The following LHFPL3 variants were observed in gnomAD, a reference collection of about 807,000 sequenced individuals.
LHFPL3 encodes LHFPL tetraspan subfamily member 3 protein.
LHFPL3 carries 5 observed loss-of-function variants against 19.3 expected under a neutral mutation model. That is an observed-to-expected ratio of 0.26 (90% CI 0.14 to 0.54). The LOEUF (loss-of-function observed/expected upper bound fraction) is 0.54. Among genes scored for constraint, LHFPL3 ranks in the 20% least tolerant of loss-of-function variants. The pLI is 0.94. For synonymous variants in LHFPL3, 133 were observed against 126.2 expected, an observed-to-expected ratio of 1.05 and a Z score of -0.36; for missense variants, 249 against 307.4, an observed-to-expected ratio of 0.81 and a Z score of 1.42.
intron 2 of LHFPL3, among the ~76,000 whole-genome samples, chr7:104,757,419 C>A (rs1794305281): frequency 6.6e-6 from 1 of 152,118 alleles, no homozygotes; most frequent in African/African-American, 2.4e-5. Context: ...AATAAACAGA[C>A]AACCTACAGA....
At chr7:104,876,970 T>A (rs1205996310) in intron 2 of LHFPL3, among the ~76,000 whole-genome samples, 1 of 152,168 alleles carries the variant, frequency 6.6e-6, no homozygotes, top group African/African-American at 2.4e-5. Context: ...GTTCATGTCC[T>A]TTGTAGGGGC....
chr7:104,592,548 G>C (rs1790748249), intron 1 of LHFPL3, among the ~76,000 whole-genome samples: 1 of 152,138 alleles, frequency 6.6e-6, no homozygotes, highest in Non-Finnish European at 1.5e-5. Flanking sequence ...AGGCCACTGG[G>C]GGATCAGGGA....
At chr7:104,850,839 T>C (rs1164768406) in intron 2 of LHFPL3, among the ~76,000 whole-genome samples, 1 of 146,818 alleles carries the variant, frequency 6.8e-6, no homozygotes, top group Non-Finnish European at 1.5e-5. Flanking sequence ...GATTCTCAAA[T>C]GACTATAGAT....
intron 1 of LHFPL3, among the ~76,000 whole-genome samples, chr7:104,628,822 T>A (rs1420951067): frequency 6.6e-6 from 1 of 152,170 alleles, no homozygotes; most frequent in Non-Finnish European, 1.5e-5. Flanking sequence ...GATTCTCCTC[T>A]CATTGAGTGC....
At chr7:104,434,627 A>G (rs889471084) in intron 1 of LHFPL3, among the ~76,000 whole-genome samples, 1 of 152,230 alleles carries the variant, frequency 6.6e-6, no homozygotes, top group African/African-American at 2.4e-5. Flanking sequence ...ATAATTTTTT[A>G]TTGAACTTGT....
chr7:104,376,997 T>C (rs1008941954), intron 1 of LHFPL3, among the ~76,000 whole-genome samples: 3 of 152,234 alleles, frequency 2.0e-5, no homozygotes, highest in African/African-American at 7.2e-5. Flanking sequence ...TTGGAAATTT[T>C]GCTAAGTAAG....
intron 2 of LHFPL3, among the ~76,000 whole-genome samples, chr7:104,816,963 C>T (rs1790568167): frequency 6.6e-6 from 1 of 152,202 alleles, no homozygotes; most frequent in African/African-American, 2.4e-5. Flanking sequence ...ACCTTAACTT[C>T]TGAACTGCTA....
chr7:104,906,762 CT>C lies in LHFPL3; in HGVS notation c.*548del, dbSNP rs1180913780. 5.9e-5 allele frequency: 9 copies of C among 152,978 alleles called. No individual in the cohort carries two copies. Among genetic ancestry groups the C allele is most frequent in the African/African-American group, 7.2e-5 (3 of 41,440 alleles). 9.5% of individuals were successfully genotyped at this position (152,978 alleles called of 1,614,324 possible). A position where few individuals can be genotyped will look rare whatever the true frequency, so the allele number is the denominator to read the frequency against. The stretch of plus-strand genomic sequence containing the variant: ...AGCCGTGACCTTTGGTTCTTCATCT[CT>C]ACCATTCATTTACTTCACTGTGTAA... On this transcript the variant is annotated 3_prime_UTR_variant, in exon 3 of 3. Coordinates refer to ENST00000424859, the MANE Select transcript of LHFPL3 (RefSeq NM_199000.3).
chr7:104,558,375 C>A (rs919162546), intron 1 of LHFPL3, among the ~76,000 whole-genome samples: 5 of 148,522 alleles, frequency 3.4e-5, no homozygotes, highest in African/African-American at 5.0e-5. Flanking sequence ...GCCATTCTAA[C>A]TGGTGTGAGA....
intron 1 of LHFPL3, among the ~76,000 whole-genome samples, chr7:104,390,122 A>G (rs1476548126): frequency 6.6e-6 from 1 of 151,858 alleles, no homozygotes; most frequent in Non-Finnish European, 1.5e-5. Flanking sequence ...AGGGTCTAGT[A>G]TGCAGAATAT....
chr7:104,668,227 C>G (rs1341963666), intron 1 of LHFPL3: 1 of 1,613,242 alleles, frequency 6.2e-7, no homozygotes, highest in Non-Finnish European at 8.5e-7. Context: ...AATGAAGAGT[C>G]TCTAAGTAAC....
intron 2 of LHFPL3, among the ~76,000 whole-genome samples, chr7:104,844,324 C>G (rs573486514): frequency 6.6e-6 from 1 of 152,356 alleles, no homozygotes; most frequent in South Asian, 2.1e-4. Context: ...AGGGCAATAC[C>G]TGAGGATGTG....
intron 1 of LHFPL3, among the ~76,000 whole-genome samples, chr7:104,705,933 G>C (rs948105286): frequency 1.1e-4 from 16 of 152,132 alleles, no homozygotes; most frequent in African/African-American, 3.9e-4. Context: ...CCAGGAACAA[G>C]ATATATTGAG....
intron 1 of LHFPL3, among the ~76,000 whole-genome samples, chr7:104,421,068 CAT>C (rs1019900999): frequency 2.6e-5 from 4 of 152,086 alleles, no homozygotes; most frequent in Non-Finnish European, 5.9e-5. Flanking sequence ...TTGATGGAAA[CAT>C]AAGGAGACTG....
At chr7:104,614,494 T>C (rs929464314) in intron 1 of LHFPL3, among the ~76,000 whole-genome samples, 4 of 152,232 alleles carry the variant, frequency 2.6e-5, no homozygotes, top group African/African-American at 7.2e-5. Flanking sequence ...TGAGTATGTG[T>C]GGAATGAGGA....
chr7:104,481,576 A>G (rs940107714), intron 1 of LHFPL3, among the ~76,000 whole-genome samples: 61 of 151,480 alleles, frequency 4.0e-4, no homozygotes, highest in African/African-American at 1.4e-3. Context: ...GTCTCCCTGT[A>G]ATAAACTATA....
At chr7:104,410,373 T>C (rs1373676869) in intron 1 of LHFPL3, among the ~76,000 whole-genome samples, 2 of 152,208 alleles carry the variant, frequency 1.3e-5, no homozygotes, top group African/African-American at 4.8e-5. Flanking sequence ...CCTCAGGTGA[T>C]CCACCCGCCT....
At chr7:104,607,081 G>A (rs1211855019) in intron 1 of LHFPL3, among the ~76,000 whole-genome samples, 2 of 152,190 alleles carry the variant, frequency 1.3e-5, no homozygotes, top group African/African-American at 4.8e-5. Flanking sequence ...TAGAAACTAT[G>A]CCTACATCTT....
intron 2 of LHFPL3, among the ~76,000 whole-genome samples, chr7:104,830,352 A>C (rs1026536805): frequency 1.3e-5 from 2 of 151,618 alleles, no homozygotes; most frequent in Non-Finnish European, 2.9e-5. Context: ...CCCATTTGTC[A>C]ATTTTGGCTT....
Sources: gnomAD v4.1 joint callset for allele counts (sites outside exome capture counted in the v4.1 genomes callset) on GRCh38, gnomAD v4.1.1 for gene constraint, MANE v1.5 for transcripts, NCBI Gene and HGNC (gene_info 2026-07-23, HGNC 2026-07-21) for gene names.